The following C12orf54 variants were observed in gnomAD, a reference collection of about 807,000 sequenced individuals.
C12orf54 encodes uncharacterized protein C12orf54.
In C12orf54, 24 loss-of-function variants were observed where a neutral mutation model predicts 26.4. That is an observed-to-expected ratio of 0.91 (90% CI 0.66 to 1.28). The LOEUF is 1.28. Among genes scored for constraint, C12orf54 ranks in the 50% most tolerant of loss-of-function variants. C12orf54 has a pLI of 0.00. For missense variants in C12orf54, 154 were observed against 150.9 expected, an observed-to-expected ratio of 1.02 and a Z score of -0.11; for synonymous variants, 54 against 47.0, an observed-to-expected ratio of 1.15 and a Z score of -0.61.
At chr12:48,445,263 C>T in the C12orf54 span, among the ~76,000 whole-genome samples, 3 of 151,872 alleles carry the variant, frequency 2.0e-5, no homozygotes, top group South Asian at 2.1e-4. Context: ...TGCTGCTCAC[C>T]GAGAACAGAC....
At chr12:48,428,121 G>A in the C12orf54 span, among the ~76,000 whole-genome samples, 1 of 151,980 alleles carries the variant, frequency 6.6e-6, no homozygotes, top group African/African-American at 2.4e-5. Context: ...TCTTCGAACT[G>A]AATGACACTA....
intron 3 of C12orf54, 41 bp from the exon 4 acceptor site, chr12:48,486,647 G>A (rs761150102): frequency 1.0e-4 from 158 of 1,579,132 alleles, no homozygotes; most frequent in Non-Finnish European, 1.3e-4. Flanking sequence ...TTCTGGGAGA[G>A]TTGGGATATT....
At chr12:48,441,645 G>A in the C12orf54 span, among the ~76,000 whole-genome samples, 1 of 152,102 alleles carries the variant, frequency 6.6e-6, no homozygotes, top group African/African-American at 2.4e-5. Context: ...TTGAACCATA[G>A]AGTTCAGTTA....
At chr12:48,418,816 A>T in the C12orf54 span, among the ~76,000 whole-genome samples, 7,698 of 152,142 alleles carry the variant, frequency 0.051, 662 homozygotes, top group African/African-American at 0.17. Context: ...GTTAAAAAAA[A>T]TTTTAATATG....
chr12:48,460,378 G>A, the C12orf54 span, among the ~76,000 whole-genome samples: 14 of 152,038 alleles, frequency 9.2e-5, no homozygotes, highest in Admixed American at 8.5e-4. Context: ...TAAGGCTTTT[G>A]GAGACATATA....
the C12orf54 span, among the ~76,000 whole-genome samples, chr12:48,420,970 T>A: frequency 1.3e-5 from 2 of 152,340 alleles, no homozygotes; most frequent in African/African-American, 4.8e-5. Flanking sequence ...CACCTCATCA[T>A]CATTGTTCAT....
chr12:48,469,281 A>G, the C12orf54 span, among the ~76,000 whole-genome samples: 2 of 152,198 alleles, frequency 1.3e-5, no homozygotes, highest in African/African-American at 4.8e-5. Flanking sequence ...CATAAGATGG[A>G]CACTCCCAGA....
At chr12:48,490,791 T>A in intron 5 of C12orf54, 21 bp from the exon 6 acceptor site, 1 of 1,613,432 alleles carries the variant, frequency 6.2e-7, no homozygotes, top group Non-Finnish European at 8.5e-7. Flanking sequence ...CATCTCTGAC[T>A]GTATTCTCAT....
the C12orf54 span, among the ~76,000 whole-genome samples, chr12:48,421,777 G>A: frequency 6.6e-5 from 10 of 152,102 alleles, no homozygotes; most frequent in Admixed American, 2.6e-4. Flanking sequence ...TGATCCACCC[G>A]CCTCAGCCTC....
the C12orf54 span, among the ~76,000 whole-genome samples, chr12:48,413,445 G>C: frequency 1.3e-5 from 2 of 152,204 alleles, no homozygotes; most frequent in Non-Finnish European, 2.9e-5. Context: ...GAAGAGGGCG[G>C]TCCTGAGGCC....
chr12:48,476,712 TGCACCCAATACAGGA>T, the C12orf54 span, among the ~76,000 whole-genome samples: 9,581 of 150,692 alleles, frequency 0.064, 1,196 homozygotes, highest in African/African-American at 0.23. Context: ...TAAATATATA[TGCACCCAATACAGGA>T]GCACCCAGAT....
At chr12:48,424,849 T>A in the C12orf54 span, among the ~76,000 whole-genome samples, 1 of 152,118 alleles carries the variant, frequency 6.6e-6, no homozygotes, top group Non-Finnish European at 1.5e-5. Flanking sequence ...ATTCTATTTA[T>A]GTGAAATTGT....
At chr12:48,485,462 G>T (rs1565570700) in intron 2 of C12orf54, among the ~76,000 whole-genome samples, 1 of 152,090 alleles carries the variant, frequency 6.6e-6, no homozygotes, top group Non-Finnish European at 1.5e-5. Context: ...TTTTGTAATG[G>T]CAGGAACTGT....
At chr12:48,486,249 C>G in intron 3 of C12orf54, 41 bp downstream of exon 3, 1 of 1,582,394 alleles carries the variant, frequency 6.3e-7, no homozygotes, top group South Asian at 1.1e-5. Flanking sequence ...TCTGGGGCTT[C>G]TAATTCCTAG....
chr12:48,438,743 C>A, the C12orf54 span, among the ~76,000 whole-genome samples: 10 of 152,116 alleles, frequency 6.6e-5, no homozygotes, highest in Non-Finnish European at 1.2e-4. Context: ...ACATCTTATA[C>A]AAAAATTAAT....
At chr12:48,486,773 G>T in intron 4 of C12orf54, 47 bp downstream of exon 4, 2 of 1,557,230 alleles carry the variant, frequency 1.3e-6, no homozygotes, top group Non-Finnish European at 1.8e-6. Context: ...GAGGTGGGAG[G>T]TGGGGGAAGT....
the C12orf54 span, among the ~76,000 whole-genome samples, chr12:48,475,622 G>A: frequency 6.6e-5 from 10 of 152,304 alleles, no homozygotes; most frequent in Middle Eastern, 3.4e-3. Context: ...TAGCTGATGC[G>A]ATCAACTGGA....
At chr12:48,442,661 A>G in the C12orf54 span, 3 of 171,388 alleles carry the variant, frequency 1.8e-5, no homozygotes, top group Admixed American at 6.4e-5. Flanking sequence ...GACCTAAGCC[A>G]TGCAGCCCTC....
At chr12:48,454,856 C>T in the C12orf54 span, among the ~76,000 whole-genome samples, 8 of 152,312 alleles carry the variant, frequency 5.3e-5, no homozygotes, top group East Asian at 1.5e-3. Flanking sequence ...TCAGACCTTA[C>T]AGCTAGGACA....
Sources: allele counts gnomAD v4.1 joint callset (sites outside exome capture counted in the v4.1 genomes callset), GRCh38; gene constraint gnomAD v4.1.1; transcripts MANE v1.5; gene names NCBI Gene and HGNC (gene_info 2026-07-23, HGNC 2026-07-21).